Variants in PCLO observed in about 807,000 individuals in gnomAD.
PCLO encodes the protein piccolo presynaptic cytomatrix protein.
Under a neutral mutation model 427.5 loss-of-function variants are expected in PCLO, and 82 were observed. The ratio of observed to expected loss-of-function variants is 0.19; its 90% confidence interval spans 0.16 to 0.23. The LOEUF (loss-of-function observed/expected upper bound fraction) is 0.23, where lower values mean the gene tolerates loss of function less well. Ranked by LOEUF, PCLO falls within the 10% of genes least tolerant of loss-of-function variation. The probability of loss-of-function intolerance (pLI) is 1.00; values close to 1 mark genes in which losing one functional copy is unlikely to be tolerated. For missense variants in PCLO, 6,239 were observed against 6,115.9 expected (o/e 1.02, Z -0.67); for synonymous variants, 2,357 against 2,155.4 (o/e 1.09, Z -2.59).
At position 82,915,349 on chromosome 7, in the gene PCLO, C is replaced by G; in HGVS notation, c.12637G>C (p.Glu4213Gln). 6.2e-7 allele frequency: 1 copy of G among 1,613,512 alleles called. No individual in the cohort carries two copies. The highest frequency in any genetic ancestry group is 8.5e-7 in the Non-Finnish European group (1 of 1,179,710). The change falls in exon 7 of 25, where the codon GAA becomes CAA. Residue 4213 changes from glutamate (E) to glutamine (Q), a missense_variant. Glu to Gln is a conservative substitution (Grantham distance 29). This residue lies in a region of PCLO where 680 missense variants were observed against 677.3 expected (regional missense o/e 1.00). Transcript: ENST00000333891. ...FSPIQESRDLEPDYSSYMTSS... is the reference protein window; with the variant it reads ...FSPIQESRDLQPDYSSYMTSS... ...GTCATATAGCTTGAATAATCAGGTT[C>G]AAGGTCTCTACTTTCTTGAATAGGT...
intron 6 of PCLO, among the ~76,000 whole-genome samples, chr7:82,940,400 A>G (rs1429512353): frequency 6.6e-6 from 1 of 152,202 alleles, no homozygotes; most frequent in Non-Finnish European, 1.5e-5. Context: ...AGCTCTTTAC[A>G]ATGAACATTA....
At chr7:82,827,701 T>G (rs1425564648) in intron 17 of PCLO, among the ~76,000 whole-genome samples, 172 bp downstream of exon 17, 3 of 152,108 alleles carry the variant, frequency 2.0e-5, no homozygotes, top group Non-Finnish European at 2.9e-5. Context: ...ACTTTCACCC[T>G]GTGCTTAAAT....
At chr7:82,795,705 C>T (rs949477844) in intron 22 of PCLO, among the ~76,000 whole-genome samples, 2 of 152,068 alleles carry the variant, frequency 1.3e-5, no homozygotes, top group African/African-American at 2.4e-5. Flanking sequence ...ATTATTATTT[C>T]AATTATTCCA....
rs186226534 is a variant in PCLO, at chr7:83,072,112, G to T, written c.3300+62138C>A. 1.3e-3 allele frequency among the ~76,000 whole-genome samples: 195 copies of T among 151,898 alleles called. 2 individuals carry two copies. Among genetic ancestry groups the T allele is most frequent in the Non-Finnish European group, 1.0e-3 (69 of 67,866 alleles). ...TTCTAAAAAACAATTATTTATCATT[G>T]CTCCCTAGATTCTTATAATAGTTAC... On this transcript the variant is annotated intron_variant, in intron 3 of 24. Transcript: ENST00000333891.
At chr7:82,882,295 AT>A (rs1403690244) in intron 9 of PCLO, among the ~76,000 whole-genome samples, 3 of 152,202 alleles carry the variant, frequency 2.0e-5, no homozygotes, top group Non-Finnish European at 4.4e-5. Context: ...AGCAACATTA[AT>A]TTTGAACTGA....
Position 83,104,870 on chromosome 7 carries a change from T to G in PCLO, c.3300+29380A>C, listed in dbSNP as rs150005120. Among the ~76,000 whole-genome samples, 588 of 152,254 alleles carry G rather than the reference T, an allele frequency of 3.9e-3. 6 individuals carry two copies. Among genetic ancestry groups the G allele is most frequent in the African/African-American group, 0.013 (561 of 41,572 alleles). On this transcript the variant is annotated intron_variant, in intron 3 of 24. Coordinates refer to ENST00000333891, the MANE Select transcript of PCLO (RefSeq NM_033026.6). ...TGGGCACTGCCCTCAGCCTTCTCAG[T>G]AACATGAAAAAATTTGAGAGGTACT... is the stretch of plus-strand genomic sequence containing the variant.
At chr7:83,126,666 T>A (rs1014935740) in intron 3 of PCLO, among the ~76,000 whole-genome samples, 2 of 151,898 alleles carry the variant, frequency 1.3e-5, no homozygotes, top group Non-Finnish European at 2.9e-5. Context: ...ATAGATAAAT[T>A]GATAAAGATT....
chr7:82,833,964 C>T (rs1239965550), intron 16 of PCLO, among the ~76,000 whole-genome samples: 1 of 152,050 alleles, frequency 6.6e-6, no homozygotes, highest in Admixed American at 6.6e-5. Flanking sequence ...TCTTAAGGAC[C>T]TCACTTATTG....
chr7:82,804,904 C>T (rs1007336064), intron 21 of PCLO, among the ~76,000 whole-genome samples: 13 of 152,050 alleles, frequency 8.5e-5, no homozygotes, highest in South Asian at 4.2e-4. Context: ...CCTGGGTGGC[C>T]CAGTGGTATT....
In PCLO at chr7:82,993,952, CATA is replaced by C. The variant is rs143851991; in HGVS notation, c.3301-27468_3301-27466del. Among the ~76,000 whole-genome samples the C allele has an allele frequency of 9.0e-3, 1,362 of 151,928 alleles. 43 individuals are homozygous for C. Among genetic ancestry groups the C allele is most frequent in the East Asian group, 0.057 (295 of 5,160 alleles). ...AGAATGACAATAAACTAGGCCTTGT[CATA>C]ATAAGAGAAAACTATCAGGAAGAAA... On this transcript the variant is annotated intron_variant, in intron 3 of 24. Transcript: ENST00000333891.
Position 82,952,797 on chromosome 7 carries a change from C to T in PCLO, c.8156G>A (p.Gly2719Glu), listed in dbSNP as rs773627604. 2 of 1,613,570 alleles carry T rather than the reference C, an allele frequency of 1.2e-6. No individual in the cohort carries two copies. Among genetic ancestry groups the T allele is most frequent in the Non-Finnish European group, 1.7e-6 (2 of 1,179,698 alleles). The change falls in exon 5 of 25, where the codon GGA (glycine) becomes GAA (glutamate). Residue 2719 changes from glycine (G) to glutamate (E), a missense_variant. By Grantham distance (98) the Gly-to-Glu change is moderately conservative. Transcript: ENST00000333891. ...TACATCACCAACAAGTTGCAATTTT[C>T]CATCTTCTTTATACTGAGGCTTCTC... ...HLEKPQYKED[G>E]KLQLVGDVID...
At chr7:82,894,190 G>T (rs1009047324) in intron 9 of PCLO, among the ~76,000 whole-genome samples, 1 of 151,998 alleles carries the variant, frequency 6.6e-6, no homozygotes, top group African/African-American at 2.4e-5. Context: ...ATAATGAATT[G>T]TATAGCTGGA....
chr7:83,048,321 C>T (rs1562937964), intron 3 of PCLO, among the ~76,000 whole-genome samples: 1 of 152,048 alleles, frequency 6.6e-6, no homozygotes, highest in Admixed American at 6.6e-5. Context: ...TGCTAACTTG[C>T]ATGAGTCATT....
At chr7:82,966,615 T>C (rs1423596006) in intron 3 of PCLO, 128 bp from the exon 4 acceptor site, 2 of 490,292 alleles carry the variant, frequency 4.1e-6, no homozygotes, top group Non-Finnish European at 7.0e-6. Flanking sequence ...TGGGTCACTG[T>C]TTTCCAAATC....
At chr7:82,997,957 C>T (rs932770168) in intron 3 of PCLO, among the ~76,000 whole-genome samples, 2 of 151,930 alleles carry the variant, frequency 1.3e-5, no homozygotes, top group Middle Eastern at 3.2e-3. Context: ...TTCATTCTAA[C>T]AATAACCAAA....
chr7:82,867,081 G>C (rs79055153), intron 10 of PCLO, among the ~76,000 whole-genome samples: 2,170 of 152,150 alleles, frequency 0.014, 46 homozygotes, highest in African/African-American at 0.048. Flanking sequence ...AAATTAAAAG[G>C]AAGACAAACA....
At chr7:82,939,753 T>C (rs965993669) in intron 6 of PCLO, among the ~76,000 whole-genome samples, 69 of 148,518 alleles carry the variant, frequency 4.6e-4, no homozygotes, top group African/African-American at 1.6e-3. Context: ...AATATGTAAA[T>C]ATAAATATAT....
intron 3 of PCLO, among the ~76,000 whole-genome samples, chr7:83,072,292 T>C (rs562493733): frequency 6.6e-6 from 1 of 152,122 alleles, no homozygotes; most frequent in East Asian, 1.9e-4. Context: ...TATTTTAGAA[T>C]AAAAACTTGA....
chr7:82,847,187 T>A lies in PCLO; in HGVS notation c.13715A>T (p.Gln4572Leu). Reference sequence around the variant, plus strand: ...CCCACTTTGCTGACTAATGATACTCTGAACTTCTTCATATGTTTTAGAAGT... The same window carrying A: ...CCCACTTTGCTGACTAATGATACTCAGAACTTCTTCATATGTTTTAGAAGT... The part of the protein sequence containing the change: ...PLTSKTYEEV[Q>L]SIISQQSGEA... The change falls in exon 11 of 25, where the codon CAG (glutamine) becomes CTG (leucine). Residue 4572 changes from glutamine to leucine, a missense_variant. Gln to Leu is a moderately radical substitution (Grantham distance 113). Coordinates refer to ENST00000333891, the MANE Select transcript of PCLO (RefSeq NM_033026.6). The A allele has an allele frequency of 6.2e-7, 1 of 1,606,486 alleles. No individual in the cohort carries two copies. Among genetic ancestry groups the A allele is most frequent in the East Asian group, 2.2e-5 (1 of 44,646 alleles).
Sources: allele counts gnomAD v4.1 joint callset (sites outside exome capture counted in the v4.1 genomes callset), GRCh38; gene constraint gnomAD v4.1.1; regional missense constraint gnomAD v4.1.1; transcripts MANE v1.5; gene names NCBI Gene and HGNC (gene_info 2026-07-23, HGNC 2026-07-21).